The following CLCN3 variants were observed in gnomAD, a reference collection of about 807,000 sequenced individuals.
CLCN3 encodes Cl-/H+ antiporter 3, also known as H(+)/Cl(-) exchange transporter 3.
CLCN3 carries 16 observed loss-of-function variants against 83.4 expected under a neutral mutation model. The ratio of observed to expected loss-of-function variants is 0.19; its 90% confidence interval spans 0.13 to 0.29. The LOEUF (loss-of-function observed/expected upper bound fraction) is 0.29, where lower values mean the gene tolerates loss of function less well. CLCN3 is among the 10% of genes least tolerant of loss of function. The pLI is 1.00. For missense variants in CLCN3, 544 were observed against 1,006.0 expected (o/e 0.54, Z 6.21); for synonymous variants, 322 against 346.2 (o/e 0.93, Z 0.78).
Position 169,720,294 on chromosome 4 carries a change from T to C in CLCN3, c.*297T>C, listed in dbSNP as rs1733586877. The C allele has an allele frequency of 2.3e-6, 1 of 432,020 alleles. No homozygotes were observed. Among genetic ancestry groups the C allele is most frequent in the Non-Finnish European group, 4.1e-6 (1 of 243,776 alleles). 26.8% of individuals were successfully genotyped at this position (432,020 alleles called of 1,614,324 possible). Reference sequence around the variant, plus strand: ...TGCATTCAGCTGAGGATGTGCCTGATAGTGCAGGCTTGCGCCTCAACAGAG... The same window carrying C: ...TGCATTCAGCTGAGGATGTGCCTGACAGTGCAGGCTTGCGCCTCAACAGAG... On this transcript the variant is annotated 3_prime_UTR_variant, in exon 13 of 13. Coordinates refer to ENST00000513761, the MANE Select transcript of CLCN3 (RefSeq NM_001829.4).
chr4:169,660,117 T>G (rs1426997339), intron 2 of CLCN3: 7 of 1,079,926 alleles, frequency 6.5e-6, no homozygotes, highest in Non-Finnish European at 7.9e-6. Context: ...AGGACCTGAT[T>G]AAGAAGGCTG....
intron 2 of CLCN3, chr4:169,659,929 T>C: frequency 2.0e-6 from 1 of 503,424 alleles, no homozygotes; most frequent in Non-Finnish European, 2.6e-6. Flanking sequence ...AAATTTCCTT[T>C]TTACATCTCT....
chr4:169,720,014 G>A lies in CLCN3; in HGVS notation c.*17G>A. The A allele has an allele frequency of 6.2e-7, 1 of 1,613,788 alleles. No homozygotes were observed. The highest frequency in any genetic ancestry group is 8.5e-7 in the Non-Finnish European group (1 of 1,179,730). On this transcript the variant is annotated 3_prime_UTR_variant, in exon 13 of 13. Transcript: ENST00000513761. ...TTCAACTGAATCTCACAGATGAGGA[G>A]AGAGAAGAAACGGAAGAGGAAGTTT...
At chr4:169,684,191 C>T (rs1361080574) in intron 3 of CLCN3, among the ~76,000 whole-genome samples, 1 of 152,140 alleles carries the variant, frequency 6.6e-6, no homozygotes, top group Admixed American at 6.5e-5. Context: ...ATTACTATTT[C>T]AGTATTTTAC....
chr4:169,682,748 AT>A (rs1731995891), intron 3 of CLCN3, among the ~76,000 whole-genome samples: 1 of 152,140 alleles, frequency 6.6e-6, no homozygotes. Flanking sequence ...TGATTTATTT[AT>A]TTGATTTTAC....
At chr4:169,717,826 T>G (rs143502018) in intron 12 of CLCN3, 3 of 1,613,216 alleles carry the variant, frequency 1.9e-6, no homozygotes, top group Non-Finnish European at 2.5e-6. Context: ...GAAGAACATA[T>G]TAGAGCATCT....
intron 1 of CLCN3, among the ~76,000 whole-genome samples, chr4:169,630,013 A>C (rs1306102410): frequency 6.6e-6 from 1 of 152,224 alleles, no homozygotes; most frequent in Admixed American, 6.5e-5. Context: ...TAAATGAATG[A>C]ATTTGTAAAG....
At chr4:169,660,321 A>G in intron 2 of CLCN3, 1 of 1,372,652 alleles carries the variant, frequency 7.3e-7, no homozygotes, top group Non-Finnish European at 9.3e-7. Flanking sequence ...TTTTTAAGCT[A>G]GCAAGCTTTT....
chr4:169,702,284 A>G (rs1732819263), intron 9 of CLCN3, among the ~76,000 whole-genome samples: 1 of 152,144 alleles, frequency 6.6e-6, no homozygotes, highest in Non-Finnish European at 1.5e-5. Context: ...TGCTGTAACA[A>G]AAGTACTATC....
Position 169,697,383 on chromosome 4 carries a change from A to G in CLCN3, c.1212A>G (p.Gly404=). ...ILLGVFGGLW[G]AFFIRANIAW... is the part of the protein sequence containing the mutation. ...TAGGGGTATTTGGAGGGCTTTGGGG[A>G]GCCTTTTTCATTAGGGCAAATATTG... Residue 404 remains glycine (G), a synonymous_variant, in exon 9 of 13, where the codon GGA becomes GGG. Coordinates refer to ENST00000513761, the MANE Select transcript of CLCN3 (RefSeq NM_001829.4). 6.2e-7 allele frequency: 1 copy of G among 1,613,878 alleles called. No individual in the cohort carries two copies. The highest frequency in any genetic ancestry group is 8.5e-7 in the Non-Finnish European group (1 of 1,179,984).
intron 2 of CLCN3, among the ~76,000 whole-genome samples, chr4:169,643,747 G>T (rs1266904000): frequency 6.6e-6 from 1 of 152,120 alleles, no homozygotes; most frequent in Non-Finnish European, 1.5e-5. Context: ...TGTTGCTCAG[G>T]CTGATGTCGA....
intron 11 of CLCN3, among the ~76,000 whole-genome samples, chr4:169,708,401 G>A (rs1733072473): frequency 6.6e-6 from 1 of 152,154 alleles, no homozygotes; most frequent in Admixed American, 6.5e-5. Flanking sequence ...TCAAGGCCTA[G>A]CATTCCCATC....
intron 11 of CLCN3, among the ~76,000 whole-genome samples, chr4:169,708,338 T>A (rs893758008): frequency 6.6e-6 from 1 of 152,112 alleles, no homozygotes; most frequent in South Asian, 2.1e-4. Flanking sequence ...AGAAAAAAGA[T>A]CCTACAGAGA....
At chr4:169,696,251 A>C (rs943345433) in intron 8 of CLCN3, among the ~76,000 whole-genome samples, 13 of 152,022 alleles carry the variant, frequency 8.6e-5, no homozygotes, top group African/African-American at 3.1e-4. Flanking sequence ...ATCAATTCCT[A>C]TGTTGTGTTT....
At chr4:169,678,267 G>A (rs1731760571) in intron 2 of CLCN3, among the ~76,000 whole-genome samples, 1 of 152,162 alleles carries the variant, frequency 6.6e-6, no homozygotes, top group South Asian at 2.1e-4. Flanking sequence ...CGCAGCGTCA[G>A]GTGACTATTA....
chr4:169,675,208 G>A (rs768169222), intron 2 of CLCN3, among the ~76,000 whole-genome samples: 29 of 152,126 alleles, frequency 1.9e-4, no homozygotes, highest in South Asian at 4.1e-4. Context: ...AGTTTATTTG[G>A]CTTATATCTC....
At chr4:169,643,775 A>G (rs1730491909) in intron 2 of CLCN3, among the ~76,000 whole-genome samples, 1 of 152,100 alleles carries the variant, frequency 6.6e-6, no homozygotes, top group African/African-American at 2.4e-5. Context: ...GGCTCAAGTG[A>G]TCCTCCCATC....
At chr4:169,687,192 A>G (rs1732194776) in intron 3 of CLCN3, among the ~76,000 whole-genome samples, 2 of 152,200 alleles carry the variant, frequency 1.3e-5, no homozygotes, top group Admixed American at 1.3e-4. Context: ...ATGTGTACCA[A>G]TTGAGGTTCA....
At chr4:169,645,302 T>C (rs1730544250) in intron 2 of CLCN3, among the ~76,000 whole-genome samples, 1 of 152,162 alleles carries the variant, frequency 6.6e-6, no homozygotes, top group Non-Finnish European at 1.5e-5. Flanking sequence ...GAAGGGTTTA[T>C]ATAAAAAGGG....
Sources: allele counts gnomAD v4.1 joint callset (sites outside exome capture counted in the v4.1 genomes callset), GRCh38; gene constraint gnomAD v4.1.1; transcripts MANE v1.5; gene names NCBI Gene and HGNC (gene_info 2026-07-23, HGNC 2026-07-21).